The following DLG2 variants were observed in gnomAD, a reference collection of about 807,000 sequenced individuals.
The protein encoded by DLG2 is disks large homolog 2.
Under a neutral mutation model 132.5 loss-of-function variants are expected in DLG2, and 45 were observed. That is an observed-to-expected ratio of 0.34 (90% CI 0.27 to 0.44). The LOEUF (loss-of-function observed/expected upper bound fraction) is 0.44, where lower values mean the gene tolerates loss of function less well. DLG2 is among the 20% of genes least tolerant of loss of function. The probability of loss-of-function intolerance (pLI) is 1.00; values close to 1 mark genes in which losing one functional copy is unlikely to be tolerated. For synonymous variants in DLG2, 424 were observed against 419.6 expected, an observed-to-expected ratio of 1.01 and a Z score of -0.13; for missense variants, 1,045 against 1,196.9, an observed-to-expected ratio of 0.87 and a Z score of 1.87.
intron 6 of DLG2, among the ~76,000 whole-genome samples, chr11:85,073,293 A>G (rs1318245531): frequency 6.6e-6 from 1 of 151,836 alleles, no homozygotes; most frequent in Admixed American, 6.6e-5. Flanking sequence ...TGTGATGGTG[A>G]AAACAAATGG....
intron 5 of DLG2, among the ~76,000 whole-genome samples, chr11:85,117,391 G>C (rs938751265): frequency 6.6e-6 from 1 of 151,972 alleles, no homozygotes; most frequent in African/African-American, 2.4e-5. Flanking sequence ...GATTTTAAAA[G>C]TTATAAGTAA....
intron 8 of DLG2, among the ~76,000 whole-genome samples, chr11:84,196,413 G>A (rs188750500): frequency 3.3e-5 from 5 of 152,192 alleles, no homozygotes; most frequent in East Asian, 1.9e-4. Context: ...AGTGTTGAGC[G>A]GCCAAAACAA....
In DLG2 at chr11:84,541,188, T is replaced by TAATAATAATA. The variant is rs1555016631; in HGVS notation, c.358-6458_358-6457insTATTATTATT. ...ACATGTACCCTAGAACTTGAAGTATTATAATAATAATAATAATAATAATAA... is the reference window on the plus strand; with the variant it reads ...ACATGTACCCTAGAACTTGAAGTATTAATAATAATAATAATAATAATAATAATAATAATAA... On this transcript the variant is annotated intron_variant, in intron 6 of 27. Transcript: ENST00000376104. 7.7e-4 allele frequency among the ~76,000 whole-genome samples: 88 copies of TAATAATAATA among 113,898 alleles called. 1 individual carries two copies. The highest frequency in any genetic ancestry group is 2.7e-3 in the African/African-American group (85 of 31,326). The allele number at this position is 113,898 out of a possible 152,430, so 74.7% of individuals were successfully genotyped here.
At chr11:83,623,444 G>A (rs2061964220) in intron 19 of DLG2, among the ~76,000 whole-genome samples, 1 of 152,178 alleles carries the variant, frequency 6.6e-6, no homozygotes, top group Non-Finnish European at 1.5e-5. Flanking sequence ...GTTACTATAT[G>A]CCAGACTGTC....
chr11:84,695,218 T>C (rs2058497222), intron 6 of DLG2, among the ~76,000 whole-genome samples: 1 of 151,530 alleles, frequency 6.6e-6, no homozygotes, highest in Non-Finnish European at 1.5e-5. Context: ...CAGGCTCATA[T>C]TACAGCAGAG....
intron 3 of DLG2, among the ~76,000 whole-genome samples, chr11:85,316,734 C>A (rs1166731926): frequency 6.6e-6 from 1 of 151,712 alleles, no homozygotes; most frequent in Non-Finnish European, 1.5e-5. Context: ...AATAGAAAAT[C>A]TTCTTTGGCA....
chr11:85,053,431 G>A (rs2063103711), intron 6 of DLG2, among the ~76,000 whole-genome samples: 2 of 151,966 alleles, frequency 1.3e-5, no homozygotes, highest in Non-Finnish European at 2.9e-5. Context: ...TGAAGATACA[G>A]GTTAGCATAT....
intron 18 of DLG2, among the ~76,000 whole-genome samples, chr11:83,743,086 C>A (rs2092650123): frequency 6.6e-6 from 1 of 152,138 alleles, no homozygotes; most frequent in Admixed American, 6.6e-5. Flanking sequence ...TCTATCCAAC[C>A]AAGACTAGGG....
chr11:85,024,167 T>A (rs566540683), intron 6 of DLG2, among the ~76,000 whole-genome samples: 11 of 152,182 alleles, frequency 7.2e-5, no homozygotes, highest in African/African-American at 2.6e-4. Context: ...ATATAATATA[T>A]GAGACAGTTA....
At chr11:84,314,722 A>G (rs1439877167) in intron 7 of DLG2, among the ~76,000 whole-genome samples, 2 of 152,054 alleles carry the variant, frequency 1.3e-5, no homozygotes, top group South Asian at 4.1e-4. Flanking sequence ...ATGCATATAT[A>G]TACTTAAATA....
At chr11:85,172,689 G>A (rs1264623571) in intron 4 of DLG2, among the ~76,000 whole-genome samples, 1 of 152,164 alleles carries the variant, frequency 6.6e-6, no homozygotes, top group Non-Finnish European at 1.5e-5. Context: ...AGCTAAAGGA[G>A]CATATTCTAA....
intron 7 of DLG2, among the ~76,000 whole-genome samples, chr11:84,405,432 T>C (rs545988190): frequency 2.0e-5 from 3 of 152,322 alleles, no homozygotes; most frequent in East Asian, 1.9e-4. Flanking sequence ...GAAGGAGACA[T>C]AGTCTTGTGT....
At position 84,809,509 on chromosome 11, in the gene DLG2, AAAAAG is replaced by A. The variant is rs1253434194; in HGVS notation, c.358-274783_358-274779del. On this transcript the variant is annotated intron_variant, in intron 6 of 27. Transcript: ENST00000376104. ...TTGCATATGACATGATCATCTACAAAAAAAGAAAAGAAATCCTAATGAACCTACAA... is the reference window on the plus strand; with the variant it reads ...TTGCATATGACATGATCATCTACAAAAAAAGAAATCCTAATGAACCTACAA... Among the ~76,000 whole-genome samples the A allele has an allele frequency of 3.9e-5, 6 of 152,004 alleles. No individual in the cohort carries two copies. In the East Asian group the frequency reaches 1.2e-3, roughly 29 times the overall value.
intron 6 of DLG2, among the ~76,000 whole-genome samples, chr11:85,053,121 C>T (rs2063065454): frequency 6.6e-6 from 1 of 152,118 alleles, no homozygotes; most frequent in Non-Finnish European, 1.5e-5. Context: ...AGCTAATCGA[C>T]TATAAGGAAG....
rs1410369681 is a variant in DLG2 at position 85,330,807 on chromosome 11, A to G, written c.41-45442T>C. On this transcript the variant is annotated intron_variant, in intron 3 of 27. Coordinates refer to ENST00000376104, the MANE Select transcript of DLG2 (RefSeq NM_001142699.3). ...AAAAAAAAATTAAAAAAAAAAAAAA[A>G]AAAAAGAAAAAGAAGTTGGGATGTA... Among the ~76,000 whole-genome samples, 380 of 149,346 alleles carry G rather than the reference A, an allele frequency of 2.5e-3. 2 individuals are homozygous for G. The highest frequency in any genetic ancestry group is 8.6e-3 in the African/African-American group (352 of 40,868).
At chr11:84,582,448 T>TGTATATGC (rs2099518818) in intron 6 of DLG2, among the ~76,000 whole-genome samples, 1 of 148,684 alleles carries the variant, frequency 6.7e-6, no homozygotes, top group African/African-American at 2.4e-5. Context: ...ATATATATTA[T>TGTATATGC]GTATATGCGT....
At chr11:84,093,209 GA>G (rs968181166) in intron 10 of DLG2, among the ~76,000 whole-genome samples, 5 of 152,170 alleles carry the variant, frequency 3.3e-5, no homozygotes, top group African/African-American at 1.2e-4. Flanking sequence ...GATGTCAGCT[GA>G]GCTGCATTCT....
intron 11 of DLG2, among the ~76,000 whole-genome samples, chr11:84,033,512 C>T (rs2625514): frequency 0.88 from 133,153 of 152,152 alleles, 58,509 homozygotes; most frequent in Middle Eastern, 0.93. Context: ...TGAGATGGAA[C>T]CTACTCCTCT....
rs1489668875 is a variant in DLG2, at chr11:84,744,262, A to G, written c.358-209531T>C. ...ATGAATCACATTCTCTGTATATCTA[A>G]TAATACATAATTTCTATACATAGAA... is the stretch of plus-strand genomic sequence containing the variant. On this transcript the variant is annotated intron_variant, in intron 6 of 27. Coordinates refer to ENST00000376104, the MANE Select transcript of DLG2 (RefSeq NM_001142699.3). Among the ~76,000 whole-genome samples the G allele has an allele frequency of 2.0e-5, 3 of 152,308 alleles. No homozygotes were observed. In the East Asian group the frequency reaches 5.8e-4, roughly 29 times the overall value.
Sources: allele counts gnomAD v4.1 joint callset (sites outside exome capture counted in the v4.1 genomes callset), GRCh38; gene constraint gnomAD v4.1.1; transcripts MANE v1.5; gene names NCBI Gene and HGNC (gene_info 2026-07-23, HGNC 2026-07-21).